Variants in GAK observed in about 807,000 individuals in gnomAD.
GAK encodes cyclin-G-associated kinase.
In GAK, 79 loss-of-function variants were observed where a neutral mutation model predicts 143.9. That is an observed-to-expected ratio of 0.55 (90% CI 0.46 to 0.66). The LOEUF (loss-of-function observed/expected upper bound fraction) is 0.66. GAK is among the 30% of genes least tolerant of loss of function. The pLI is 0.00. For synonymous variants in GAK, 881 were observed against 765.5 expected (o/e 1.15, Z -2.49); for missense variants, 1,693 against 1,779.7 (o/e 0.95, Z 0.88).
At chr4:909,346 T>C (rs1224028164) in intron 4 of GAK, among the ~76,000 whole-genome samples, 9 of 152,176 alleles carry the variant, frequency 5.9e-5, no homozygotes, top group Admixed American at 4.6e-4. Context: ...TCCAGGGACA[T>C]CCAGAGAAAA....
intron 1 of GAK, among the ~76,000 whole-genome samples, chr4:919,252 A>G (rs1448046441): frequency 1.3e-4 from 20 of 148,248 alleles, no homozygotes; most frequent in African/African-American, 4.2e-4. Context: ...GACCTTAGAA[A>G]GACAGAAGGC....
chr4:874,228 A>G (rs1713346719), intron 18 of GAK, among the ~76,000 whole-genome samples: 1 of 152,098 alleles, frequency 6.6e-6, no homozygotes, highest in Non-Finnish European at 1.5e-5. Flanking sequence ...GCTGTCAGAT[A>G]TGTTACTACC....
intron 24 of GAK, among the ~76,000 whole-genome samples, chr4:857,813 T>A (rs1009546319): frequency 8.5e-5 from 13 of 152,280 alleles, no homozygotes; most frequent in African/African-American, 3.1e-4. Context: ...GCTCCCTTTT[T>A]TTCCCCCCAA....
At chr4:917,555 G>C (rs1198643256) in intron 1 of GAK, among the ~76,000 whole-genome samples, 1 of 152,270 alleles carries the variant, frequency 6.6e-6, no homozygotes, top group Non-Finnish European at 1.5e-5. Flanking sequence ...CATACAGTTA[G>C]TGTACAGAAA....
intron 11 of GAK, chr4:886,795 G>C (rs1716426427): frequency 6.6e-6 from 1 of 152,320 alleles, no homozygotes; most frequent in African/African-American, 2.4e-5. Context: ...GCACCAGACA[G>C]ACAGAGCTGC....
intron 5 of GAK, among the ~76,000 whole-genome samples, chr4:903,527 GCC>G (rs1720371096): frequency 2.6e-5 from 4 of 151,816 alleles, no homozygotes; most frequent in African/African-American, 7.3e-5. Context: ...CTGCCCAGGG[GCC>G]AAGGAAGGGG....
At position 854,299 on chromosome 4, in the gene GAK, G is replaced by A. The variant is rs933185749; in HGVS notation, c.3284-2325C>T. ...TTTCTAACTGGATTGCTTTCAGTTT[G>A]TTTTTGACTGTATTTTTATATTCTG... On this transcript the variant is annotated intron_variant, in intron 24 of 27. Coordinates refer to ENST00000314167, the MANE Select transcript of GAK (RefSeq NM_005255.4). Among the ~76,000 whole-genome samples, 4 of 152,242 alleles carry A rather than the reference G, an allele frequency of 2.6e-5. No homozygotes were observed. In the South Asian group the frequency reaches 8.3e-4, roughly 32 times the overall value.
chr4:856,124 GACCACACCTGCTCACCACAGCTGCTC>G (rs1163384811), intron 24 of GAK, among the ~76,000 whole-genome samples: 10 of 151,964 alleles, frequency 6.6e-5, no homozygotes, highest in Non-Finnish European at 1.5e-4. Context: ...GAGTAGCTGG[GACCACACCTGCTCACCACAGCTGCTC>G]ACCACACCTG....
At chr4:918,625 C>G (rs966134774) in intron 1 of GAK, among the ~76,000 whole-genome samples, 5 of 152,222 alleles carry the variant, frequency 3.3e-5, no homozygotes, top group African/African-American at 1.2e-4. Context: ...TTCAAAACAT[C>G]ATAGCGTACA....
At chr4:931,940 C>T (rs556174408) in intron 1 of GAK, 103 bp downstream of exon 1, 9 of 872,090 alleles carry the variant, frequency 1.0e-5, no homozygotes, top group South Asian at 9.2e-5. Flanking sequence ...TGGGACCCTC[C>T]CCAGCCCTAA....
In GAK at chr4:876,613, CAA is replaced by C. The variant is rs1415621292; in HGVS notation, c.1975-6_1975-5del. On this transcript the variant is annotated splice_polypyrimidine_tract_variant and splice_region_variant and intron_variant, in intron 17 of 27. Coordinates refer to ENST00000314167, the MANE Select transcript of GAK (RefSeq NM_005255.4). ...GGAACATCTTCATGGATGCCATCTG[CAA>C]AGAGAGCAAACACGACACCCCACGT... 3 of 1,613,650 alleles carry C rather than the reference CAA, an allele frequency of 1.9e-6. No homozygotes were observed. Among genetic ancestry groups the C allele is most frequent in the Non-Finnish European group, 2.5e-6 (3 of 1,179,690 alleles).
intron 1 of GAK, among the ~76,000 whole-genome samples, chr4:920,663 C>G (rs1175552706): frequency 6.7e-6 from 1 of 149,942 alleles, no homozygotes; most frequent in Non-Finnish European, 1.5e-5. Flanking sequence ...CCTGCCTCAG[C>G]CTCCCAAGTA....
At chr4:907,159 C>T (rs1392721732) in intron 4 of GAK, among the ~76,000 whole-genome samples, 2 of 152,212 alleles carry the variant, frequency 1.3e-5, no homozygotes, top group East Asian at 1.9e-4. Context: ...TGCCACAGCT[C>T]AGGCTGGGCC....
In GAK at chr4:849,540, G is replaced by GC. The variant is rs1391755770; in HGVS notation, c.*132dup. ...TTCATGTGCCTGGAACGCTGGGCGG[G>GC]CGGTGACCCGGGGCTCGGAGCCCCA... On this transcript the variant is annotated 3_prime_UTR_variant, in exon 28 of 28. Coordinates refer to ENST00000314167, the MANE Select transcript of GAK (RefSeq NM_005255.4). 2.3e-5 allele frequency: 15 copies of GC among 643,008 alleles called. No homozygotes were observed. The African/African-American group carries it at 2.6e-4, about 11-fold the overall frequency. 39.8% of individuals were successfully genotyped at this position (643,008 alleles called of 1,614,324 possible).
chr4:862,090 C>T (rs942430336), intron 23 of GAK, among the ~76,000 whole-genome samples: 2 of 151,958 alleles, frequency 1.3e-5, no homozygotes, highest in Non-Finnish European at 2.9e-5. Flanking sequence ...GCCAGACTCT[C>T]CATGCAGACG....
intron 1 of GAK, among the ~76,000 whole-genome samples, chr4:924,768 G>GGCT (rs1426464971): frequency 3.9e-5 from 6 of 152,182 alleles, no homozygotes; most frequent in Middle Eastern, 3.2e-3. Context: ...TTCCTCCCGG[G>GGCT]GCTGCTCTCA....
chr4:893,446 G>A lies in GAK; in HGVS notation c.921C>T (p.Ala307=), dbSNP rs1443585830. ...QVNPEERLSI[A]EVVHQLQEIA... ...TCTCCTGCAGCTGGTGCACCACCTC[G>A]GCGATGGACAGCCGCTCCTCCGGGT... is the stretch of plus-strand genomic sequence containing the variant. Residue 307 remains alanine, a synonymous_variant, in exon 9 of 28, where the codon GCC becomes GCT. Coordinates refer to ENST00000314167, the MANE Select transcript of GAK (RefSeq NM_005255.4). The A allele has an allele frequency of 5.0e-6, 8 of 1,592,746 alleles. No individual in the cohort carries two copies. Among genetic ancestry groups the A allele is most frequent in the Middle Eastern group, 1.7e-4 (1 of 5,966 alleles).
In GAK at chr4:893,465, T is replaced by G. The variant is rs1392488355; in HGVS notation, c.902A>C (p.Glu301Ala). Residue 301 changes from glutamate (E) to alanine (A), a missense_variant, in exon 9 of 28, where the codon GAG (glutamate) becomes GCG (alanine). Coordinates refer to ENST00000314167, the MANE Select transcript of GAK (RefSeq NM_005255.4). ...LIRAMLQVNP[E>A]ERLSIAEVVH... Reference sequence around the variant, plus strand: ...CACCTCGGCGATGGACAGCCGCTCCTCCGGGTTCACCTGCAGCATGGCGCC... The same window carrying G: ...CACCTCGGCGATGGACAGCCGCTCCGCCGGGTTCACCTGCAGCATGGCGCC... 6.3e-7 allele frequency: 1 copy of G among 1,583,034 alleles called. No individual in the cohort carries two copies. Among genetic ancestry groups the G allele is most frequent in the South Asian group, 1.1e-5 (1 of 87,790 alleles).
intron 1 of GAK, among the ~76,000 whole-genome samples, chr4:925,821 C>A (rs926919382): frequency 5.9e-5 from 9 of 152,246 alleles, no homozygotes; most frequent in Non-Finnish European, 1.2e-4. Context: ...GAGGAATAAA[C>A]AAACGTCTGT....
Sources: gnomAD v4.1 joint callset for allele counts (sites outside exome capture counted in the v4.1 genomes callset) on GRCh38, gnomAD v4.1.1 for gene constraint, MANE v1.5 for transcripts, NCBI Gene and HGNC (gene_info 2026-07-23, HGNC 2026-07-21) for gene names.